Variants in CYRIB observed in about 807,000 individuals in gnomAD.
The protein encoded by CYRIB is CYFIP related Rac1 interactor B.
A neutral mutation model predicts 44.2 loss-of-function variants in CYRIB; 8 were observed. The ratio of observed to expected loss-of-function variants is 0.18; its 90% CI spans 0.11 to 0.33. CYRIB has a LOEUF of 0.33. Ranked by LOEUF, CYRIB falls within the 10% of genes least tolerant of loss-of-function variation. The pLI is 1.00. For missense variants in CYRIB, 185 were observed against 382.8 expected (o/e 0.48, Z 4.31); for synonymous variants, 131 against 127.2 (o/e 1.03, Z -0.20).
chr8:129,886,325 G>A (rs1448204178), intron 2 of CYRIB, among the ~76,000 whole-genome samples: 3 of 152,094 alleles, frequency 2.0e-5, no homozygotes, highest in East Asian at 3.8e-4. Flanking sequence ...TATCACCCAC[G>A]CCTTCCTGAA....
intron 2 of CYRIB, among the ~76,000 whole-genome samples, chr8:129,965,388 T>A (rs1273404430): frequency 2.0e-5 from 3 of 152,158 alleles, no homozygotes; most frequent in Admixed American, 2.0e-4. Context: ...GCATACCACA[T>A]ATACTTTCCT....
intron 2 of CYRIB, among the ~76,000 whole-genome samples, chr8:129,885,466 A>C (rs1413325093): frequency 6.6e-6 from 1 of 152,226 alleles, no homozygotes; most frequent in East Asian, 1.9e-4. Flanking sequence ...AAAGAAAAGT[A>C]ACAAACACAC....
chr8:129,977,483 G>C (rs2095985119), intron 1 of CYRIB, among the ~76,000 whole-genome samples: 1 of 152,132 alleles, frequency 6.6e-6, no homozygotes, highest in African/African-American at 2.4e-5. Context: ...GATCACACAT[G>C]GGCCAATTCC....
intron 1 of CYRIB, among the ~76,000 whole-genome samples, chr8:129,929,683 C>T (rs934332763): frequency 2.6e-5 from 4 of 152,016 alleles, no homozygotes; most frequent in Admixed American, 6.5e-5. Context: ...ACCAAAATGG[C>T]GTACATACCA....
At chr8:129,987,568 C>CTTTTT (rs34876735) in intron 1 of CYRIB, among the ~76,000 whole-genome samples, 4 of 127,024 alleles carry the variant, frequency 3.1e-5, no homozygotes, top group Non-Finnish European at 6.5e-5. Context: ...TTTTTTTTTT[C>CTTTTT]TTTTTTTTTT....
intron 1 of CYRIB, among the ~76,000 whole-genome samples, chr8:130,013,103 C>G (rs771971269): frequency 6.6e-6 from 1 of 152,294 alleles, no homozygotes; most frequent in South Asian, 2.1e-4. Flanking sequence ...GACGCCTATA[C>G]GCTTGCTGAG....
chr8:129,860,090 A>AAGAAATCTT, intron 5 of CYRIB, among the ~76,000 whole-genome samples: 1 of 152,300 alleles, frequency 6.6e-6, no homozygotes, highest in East Asian at 1.9e-4. Flanking sequence ...TCTCCTTAGA[A>AAGAAATCTT]CTGCAAGATT....
chr8:129,957,871 A>G (rs953576567), intron 2 of CYRIB, among the ~76,000 whole-genome samples: 1 of 151,206 alleles, frequency 6.6e-6, no homozygotes, highest in Non-Finnish European at 1.5e-5. Flanking sequence ...AGGCTGAGGC[A>G]GGAGAATGGT....
chr8:129,848,339 A>G (rs1041686543), intron 10 of CYRIB, among the ~76,000 whole-genome samples: 1 of 152,218 alleles, frequency 6.6e-6, no homozygotes, highest in Admixed American at 6.5e-5. Context: ...TAAGAGCCTA[A>G]ACTAGCTATG....
chr8:129,939,070 T>C (rs2130457262), intron 1 of CYRIB, among the ~76,000 whole-genome samples: 1 of 151,876 alleles, frequency 6.6e-6, no homozygotes, highest in East Asian at 1.9e-4. Flanking sequence ...GAAGGCGAAG[T>C]GATGGGGAGC....
At chr8:129,943,277 TGAAGGCTTCAG>T (rs1051549247), upstream of CYRIB, among the ~76,000 whole-genome samples, 3 of 152,048 alleles carry the variant, frequency 2.0e-5, no homozygotes, top group Admixed American at 1.3e-4. Flanking sequence ...GGGACAATTG[TGAAGGCTTCAG>T]AAAGAATGGG....
At chr8:129,911,519 C>T (rs1156815862) in intron 1 of CYRIB, among the ~76,000 whole-genome samples, 5 of 151,944 alleles carry the variant, frequency 3.3e-5, no homozygotes, top group South Asian at 2.1e-4. Flanking sequence ...AAATAACCCA[C>T]GGCCGGACGC....
chr8:129,988,268 C>G (rs1727238083), intron 1 of CYRIB, among the ~76,000 whole-genome samples: 2 of 152,228 alleles, frequency 1.3e-5, no homozygotes, highest in South Asian at 2.1e-4. Flanking sequence ...GGCTCTCTTC[C>G]TGATTCCGCT....
At chr8:129,941,219 G>T (rs2093668244), upstream of CYRIB, among the ~76,000 whole-genome samples, 1 of 151,026 alleles carries the variant, frequency 6.6e-6, no homozygotes, top group Non-Finnish European at 1.5e-5. Context: ...AGGATTCAGG[G>T]ATTCTATATT....
chr8:130,013,028 C>A (rs774138105), intron 1 of CYRIB, among the ~76,000 whole-genome samples: 6 of 152,166 alleles, frequency 3.9e-5, no homozygotes, highest in Non-Finnish European at 8.8e-5. Flanking sequence ...CTCCTCCCAC[C>A]CGAATTTCCT....
At chr8:129,941,971 G>A (rs192587421), upstream of CYRIB, among the ~76,000 whole-genome samples, 1 of 152,140 alleles carries the variant, frequency 6.6e-6, no homozygotes, top group Non-Finnish European at 1.5e-5. Context: ...TTTCTCTATG[G>A]AGAGCAATAT....
chr8:129,889,154 T>G (rs775465575), intron 2 of CYRIB, among the ~76,000 whole-genome samples: 1 of 152,130 alleles, frequency 6.6e-6, no homozygotes, highest in African/African-American at 2.4e-5. Flanking sequence ...CTGCCTGTGC[T>G]CTCTAAATGG....
chr8:129,931,039 C>T (rs1418949905), intron 1 of CYRIB, among the ~76,000 whole-genome samples: 4 of 151,858 alleles, frequency 2.6e-5, no homozygotes, highest in Non-Finnish European at 5.9e-5. Flanking sequence ...AAATAATATT[C>T]AGCAAGTTAG....
At position 129,972,541 on chromosome 8, in the gene CYRIB, C is replaced by CT. The variant is rs1286307710; in HGVS notation, c.-295-1547dup. ...GCAGTGACCCATGATGTGCACTGTG[C>CT]TCCAGCCTGGGTGACAGAGCAACCC... is the stretch of plus-strand genomic sequence containing the variant. On this transcript the variant is annotated intron_variant, in intron 1 of 14. Transcript: ENST00000401979. 2.6e-5 allele frequency among the ~76,000 whole-genome samples: 4 copies of CT among 152,082 alleles called. No individual in the cohort carries two copies. In the East Asian group the frequency reaches 7.7e-4, roughly 29 times the overall value.
Sources: allele counts gnomAD v4.1 joint callset (sites outside exome capture counted in the v4.1 genomes callset), GRCh38; gene constraint gnomAD v4.1.1; transcripts MANE v1.5; gene names NCBI Gene and HGNC (gene_info 2026-07-23, HGNC 2026-07-21).